PTPRD: variants seen among roughly 807,000 people sequenced by gnomAD.
PTPRD encodes protein tyrosine phosphatase receptor type D.
In PTPRD, 34 loss-of-function variants were observed where a neutral mutation model predicts 214.5. That is an observed-to-expected ratio of 0.16 (90% confidence interval 0.12 to 0.21). The LOEUF is 0.21. Ranked by LOEUF, PTPRD falls within the 10% of genes least tolerant of loss-of-function variation. The pLI, the probability that PTPRD is intolerant of heterozygous loss-of-function variation, is 1.00. For synonymous variants in PTPRD, 1,128 were observed against 845.7 expected, an observed-to-expected ratio of 1.33 and a Z score of -5.79; for missense variants, 2,545 against 2,398.7, an observed-to-expected ratio of 1.06 and a Z score of -1.27.
At chr9:10,035,529 T>G (rs1250253605) in intron 3 of PTPRD, among the ~76,000 whole-genome samples, 2 of 152,154 alleles carry the variant, frequency 1.3e-5, no homozygotes, top group African/African-American at 4.8e-5. Flanking sequence ...CTGAATGGTG[T>G]TGCCTAGGTT....
At chr9:8,795,246 C>A (rs993324991) in intron 11 of PTPRD, among the ~76,000 whole-genome samples, 6 of 152,002 alleles carry the variant, frequency 3.9e-5, no homozygotes, top group African/African-American at 1.5e-4. Context: ...CTCACTGCAA[C>A]CTCCGCCTCC....
At chr9:10,156,679 C>T (rs1218049724) in intron 3 of PTPRD, among the ~76,000 whole-genome samples, 1 of 152,070 alleles carries the variant, frequency 6.6e-6, no homozygotes, top group Non-Finnish European at 1.5e-5. Context: ...TTCAGGTCCT[C>T]AATATCTTTG....
At chr9:8,486,459 C>T (rs1452439487) in intron 27 of PTPRD, 110 bp from the exon 28 acceptor site, 3 of 979,534 alleles carry the variant, frequency 3.1e-6, no homozygotes, top group African/African-American at 1.6e-5. Flanking sequence ...TTCTTACTTA[C>T]CAAAACAAAA....
intron 10 of PTPRD, among the ~76,000 whole-genome samples, chr9:9,094,538 G>A (rs927485768): frequency 6.6e-6 from 1 of 152,074 alleles, no homozygotes; most frequent in African/African-American, 2.4e-5. Context: ...AGTTGGGAGG[G>A]ACTGAAGGAT....
chr9:10,510,641 G>A (rs2047680072), intron 2 of PTPRD, among the ~76,000 whole-genome samples: 1 of 152,046 alleles, frequency 6.6e-6, no homozygotes, highest in Non-Finnish European at 1.5e-5. Context: ...GAGCATGCAA[G>A]GTGTAATGAT....
chr9:10,584,487 C>G (rs4741039), intron 2 of PTPRD, among the ~76,000 whole-genome samples: 24,251 of 152,150 alleles, frequency 0.16, 2,608 homozygotes, highest in East Asian at 0.53. Context: ...TCAGTAGAGT[C>G]TACTGTAGTT....
intron 34 of PTPRD, among the ~76,000 whole-genome samples, chr9:8,449,247 C>G (rs1456183820): frequency 6.6e-6 from 1 of 151,834 alleles, no homozygotes; most frequent in Admixed American, 6.6e-5. Context: ...CCTCATTTTC[C>G]TCCCTCCCTC....
At chr9:9,010,336 G>C (rs7025315) in intron 11 of PTPRD, among the ~76,000 whole-genome samples, 50,490 of 151,966 alleles carry the variant, frequency 0.33, 8,723 homozygotes, top group Admixed American at 0.45. Context: ...AAGACTTTTT[G>C]AGTTACTGAT....
intron 11 of PTPRD, among the ~76,000 whole-genome samples, chr9:8,977,085 A>G (rs1449875032): frequency 6.6e-6 from 1 of 152,086 alleles, no homozygotes; most frequent in African/African-American, 2.4e-5. Flanking sequence ...TTAACCATCC[A>G]TCAATGATCA....
intron 36 of PTPRD, among the ~76,000 whole-genome samples, chr9:8,396,305 A>T (rs1008496349): frequency 6.6e-6 from 1 of 152,174 alleles, no homozygotes; most frequent in Non-Finnish European, 1.5e-5. Context: ...CTCCTGATAA[A>T]AAGTAATTCC....
intron 2 of PTPRD, among the ~76,000 whole-genome samples, chr9:10,520,131 C>G (rs1215921296): frequency 1.3e-5 from 2 of 152,144 alleles, no homozygotes; most frequent in Non-Finnish European, 2.9e-5. Flanking sequence ...AAAGCCAAGA[C>G]AGCCCAAAAA....
chr9:9,544,306 G>T (rs945965586), intron 8 of PTPRD, among the ~76,000 whole-genome samples: 2 of 151,648 alleles, frequency 1.3e-5, no homozygotes, highest in African/African-American at 4.8e-5. Flanking sequence ...TGAATTAAAA[G>T]CTTATTTTTA....
intron 5 of PTPRD, among the ~76,000 whole-genome samples, chr9:9,819,751 G>A (rs2050068815): frequency 6.6e-6 from 1 of 152,076 alleles, no homozygotes; most frequent in South Asian, 2.1e-4. Context: ...ACTTATGAGT[G>A]AGAACATGTT....
intron 5 of PTPRD, among the ~76,000 whole-genome samples, chr9:9,819,559 C>A (rs2049990398): frequency 6.6e-6 from 1 of 152,024 alleles, no homozygotes; most frequent in Admixed American, 6.6e-5. Context: ...AGGTTTGTTA[C>A]CTGTGTACGT....
At chr9:8,477,711 C>T (rs2096793218) in intron 30 of PTPRD, among the ~76,000 whole-genome samples, 1 of 152,196 alleles carries the variant, frequency 6.6e-6, no homozygotes, top group Admixed American at 6.5e-5. Context: ...TGTACCCAAG[C>T]ACATATGCCT....
chr9:9,834,288 G>C (rs1054743273), intron 5 of PTPRD, among the ~76,000 whole-genome samples: 1 of 151,948 alleles, frequency 6.6e-6, no homozygotes, highest in Non-Finnish European at 1.5e-5. Context: ...GTCATTCACT[G>C]TATGTAGTGT....
chr9:8,473,175 C>G (rs2096690468), intron 30 of PTPRD, among the ~76,000 whole-genome samples: 2 of 152,122 alleles, frequency 1.3e-5, no homozygotes, highest in Admixed American at 1.3e-4. Context: ...ACAACTATAC[C>G]ACAATGCTTT....
chr9:8,973,622 T>A (rs2099251888), intron 11 of PTPRD, among the ~76,000 whole-genome samples: 1 of 152,078 alleles, frequency 6.6e-6, no homozygotes, highest in Non-Finnish European at 1.5e-5. Context: ...CTGTTTTAAG[T>A]TCTTTGAGAA....
At chr9:8,424,547 C>A (rs2094542260) in intron 35 of PTPRD, among the ~76,000 whole-genome samples, 1 of 152,138 alleles carries the variant, frequency 6.6e-6, no homozygotes. Flanking sequence ...TTGCTATCAC[C>A]ATCATCCTTG....
Sources: allele counts gnomAD v4.1 joint callset (sites outside exome capture counted in the v4.1 genomes callset), GRCh38; gene constraint gnomAD v4.1.1; transcripts MANE v1.5; gene names NCBI Gene and HGNC (gene_info 2026-07-23, HGNC 2026-07-21).